The following PER3 variants were observed in gnomAD, a reference collection of about 807,000 sequenced individuals.
PER3 encodes period circadian protein homolog 3.
In PER3, 107 loss-of-function variants were observed where a neutral mutation model predicts 127.2. That is an observed-to-expected ratio of 0.84 (90% confidence interval 0.72 to 0.99). The LOEUF is 0.99. PER3 is among the 50% of genes least tolerant of loss of function. PER3 has a pLI of 0.00. For synonymous variants in PER3, 618 were observed against 585.8 expected (o/e 1.05, Z -0.79); for missense variants, 1,560 against 1,525.8 (o/e 1.02, Z -0.37).
chr1:7,798,553 T>C lies in PER3; in HGVS notation c.673T>C (p.Cys225Arg). ...RGGEDRKQEK[C>R]HSPFRIIPYL... ...AGGTGAAGACAGAAAGCAAGAGAAG[T>C]GTCACTCCCCATTCCGGATCATCCC... The change falls in exon 7 of 22, where the codon TGT becomes CGT. Residue 225 changes from cysteine to arginine, a missense_variant. Coordinates refer to ENST00000377532, the MANE Select transcript of PER3 (RefSeq NM_001377275.1). 6.2e-7 allele frequency: 1 copy of C among 1,613,684 alleles called. No homozygotes were observed. Among genetic ancestry groups the C allele is most frequent in the Non-Finnish European group, 8.5e-7 (1 of 1,179,680 alleles).
chr1:7,827,264 TGCCC>T lies in PER3; in HGVS notation c.2336_2339del (p.Cys779SerfsTer77). 3 of 1,613,888 alleles carry T rather than the reference TGCCC, an allele frequency of 1.9e-6. No individual in the cohort carries two copies. Among genetic ancestry groups the T allele is most frequent in the Middle Eastern group, 1.6e-4 (1 of 6,062 alleles). ...AGCGCATCAGAACGCACAGCCCTGC[TGCCC>T]CTCCGCGGCCTCCTCTCCGCACACC... On this transcript the variant is annotated frameshift_variant, in exon 18 of 22. Transcript: ENST00000377532. LOFTEE classifies it high-confidence loss of function.
intron 6 of PER3, among the ~76,000 whole-genome samples, chr1:7,796,043 C>A (rs889487568): frequency 1.3e-5 from 2 of 152,140 alleles, no homozygotes; most frequent in Non-Finnish European, 2.9e-5. Flanking sequence ...AGTAGGAATC[C>A]CTTTGGGTTG....
chr1:7,796,336 TGAGA>T, intron 6 of PER3, among the ~76,000 whole-genome samples: 1 of 149,312 alleles, frequency 6.7e-6, no homozygotes, highest in Admixed American at 6.7e-5. Flanking sequence ...TTTTTTTTTT[TGAGA>T]CAGGATCTCA....
chr1:7,817,736 A>G (rs1444617787), intron 13 of PER3, among the ~76,000 whole-genome samples: 1 of 152,222 alleles, frequency 6.6e-6, no homozygotes, highest in East Asian at 1.9e-4. Context: ...ATTATACCAA[A>G]TAAAGAATAA....
At chr1:7,794,048 A>C (rs1343820677) in intron 6 of PER3, 40 bp downstream of exon 6, 1 of 1,520,886 alleles carries the variant, frequency 6.6e-7, no homozygotes, top group Admixed American at 1.7e-5. Flanking sequence ...ACAGTGGATT[A>C]TGTTCTGAGT....
chr1:7,835,745 T>C lies in PER3; in HGVS notation c.3215-17T>C. On this transcript the variant is annotated splice_polypyrimidine_tract_variant and intron_variant, in intron 19 of 21. Transcript: ENST00000377532. ...CGGACAGGTCTTTTCTAATTATGTG[T>C]TGTTGATTTTTGACAGGAAGCAGCG... The C allele has an allele frequency of 1.3e-6, 2 of 1,577,014 alleles. No individual in the cohort carries two copies. Among genetic ancestry groups the C allele is most frequent in the East Asian group, 2.3e-5 (1 of 44,346 alleles).
At chr1:7,833,103 TTTTTA>T (rs1577948586) in intron 19 of PER3, among the ~76,000 whole-genome samples, 2 of 152,208 alleles carry the variant, frequency 1.3e-5, no homozygotes, top group Admixed American at 6.5e-5. Context: ...TTTTTAGATA[TTTTTA>T]TTTTATTTCT....
chr1:7,817,093 A>G (rs1398373424), intron 13 of PER3, among the ~76,000 whole-genome samples: 1 of 152,242 alleles, frequency 6.6e-6, no homozygotes, highest in Non-Finnish European at 1.5e-5. Context: ...CATTCTGGAA[A>G]AGCGTTCTTT....
At chr1:7,830,588 A>G (rs2097326946) in intron 19 of PER3, among the ~76,000 whole-genome samples, 4 of 152,168 alleles carry the variant, frequency 2.6e-5, no homozygotes. Flanking sequence ...AGTTAGCATG[A>G]TGCTGTTGAG....
At chr1:7,793,827 G>A (rs2097132729) in intron 5 of PER3, 130 bp from the exon 6 acceptor site, 2 of 771,214 alleles carry the variant, frequency 2.6e-6, no homozygotes, top group African/African-American at 1.7e-5. Flanking sequence ...AAGGAAGGGG[G>A]TTCTATTTTA....
At position 7,803,842 on chromosome 1, in the gene PER3, T is replaced by G. The variant is rs746104252; in HGVS notation, c.1130T>G (p.Val377Gly). The change falls in exon 10 of 22, where the codon GTT becomes GGT. Residue 377 changes from valine (V) to glycine (G), a missense_variant. Val to Gly is a moderately radical substitution (Grantham distance 109). Coordinates refer to ENST00000377532, the MANE Select transcript of PER3 (RefSeq NM_001377275.1). ...KISFIIGRHK[V>G]RTSPLNEDVF... ...TCTTTCATCATTGGTCGGCATAAAG[T>G]TCGAACGTAAGCCAGTCAGTTTTCA... is the stretch of plus-strand genomic sequence containing the variant. The G allele has an allele frequency of 5.8e-5, 94 of 1,612,472 alleles. No individual in the cohort carries two copies. Among genetic ancestry groups the G allele is most frequent in the Non-Finnish European group, 4.2e-6 (5 of 1,179,296 alleles).
intron 6 of PER3, among the ~76,000 whole-genome samples, chr1:7,795,859 G>A (rs766869318): frequency 4.6e-5 from 7 of 152,206 alleles, no homozygotes; most frequent in Non-Finnish European, 7.3e-5. Context: ...TCGAACCCTG[G>A]CCAGTCTGGC....
Position 7,826,362 on chromosome 1 carries a change from T to TGA in PER3, c.1958-118_1958-117insGA. On this transcript the variant is annotated intron_variant, in intron 16 of 21. Transcript: ENST00000377532. This position sits in a 1 kb window ranked among gnomAD's most constrained non-coding sequence, Gnocchi z 4.2. ...TCTGTGCTAGGCTAATGAAGATTTT[T>TGA]CGTATTCCAGCAGTTATAATAATGT... The TGA allele has an allele frequency of 1.6e-6, 1 of 643,388 alleles. No homozygotes were observed. Among genetic ancestry groups the TGA allele is most frequent in the Non-Finnish European group, 2.8e-6 (1 of 360,546 alleles). The allele number at this position is 643,388 out of a possible 1,614,324, so 39.9% of individuals were successfully genotyped here.
At chr1:7,819,531 T>C in intron 14 of PER3, 111 bp downstream of exon 14, 1 of 942,564 alleles carries the variant, frequency 1.1e-6, no homozygotes, top group Non-Finnish European at 1.6e-6. Context: ...TTTTTCACTA[T>C]AAATCAGTAG....
Position 7,844,975 on chromosome 1 carries a change from A to G in PER3, c.*2220A>G, listed in dbSNP as rs955581436. On this transcript the variant is annotated 3_prime_UTR_variant, in exon 22 of 22. Coordinates refer to ENST00000377532, the MANE Select transcript of PER3 (RefSeq NM_001377275.1). Reference sequence around the variant, plus strand: ...GGTCAGAGGTCAAAATTTATGAAAAACAAAATGCTGTATGAATGGAAATCA... The same window carrying G: ...GGTCAGAGGTCAAAATTTATGAAAAGCAAAATGCTGTATGAATGGAAATCA... The G allele has an allele frequency of 6.6e-6, 1 of 152,410 alleles. No individual in the cohort carries two copies. Among genetic ancestry groups the G allele is most frequent in the African/African-American group, 2.4e-5 (1 of 41,474 alleles). 9.4% of individuals were successfully genotyped at this position (152,410 alleles called of 1,614,324 possible).
intron 5 of PER3, chr1:7,788,583 A>G (rs2097103200): frequency 4.9e-6 from 1 of 204,270 alleles, no homozygotes; most frequent in Non-Finnish European, 1.0e-5. Context: ...ATTTCCTTGT[A>G]TGAGAAATTT....
At chr1:7,832,221 A>G (rs988810253) in intron 19 of PER3, among the ~76,000 whole-genome samples, 1 of 151,640 alleles carries the variant, frequency 6.6e-6, no homozygotes, top group Non-Finnish European at 1.5e-5. Context: ...ATAGTAATGT[A>G]CCCCTCTTAT....
intron 5 of PER3, among the ~76,000 whole-genome samples, chr1:7,790,251 C>T (rs2097113097): frequency 6.6e-6 from 1 of 152,180 alleles, no homozygotes; most frequent in African/African-American, 2.4e-5. Flanking sequence ...TTAATTGACT[C>T]ACAGTTCCAC....
rs115413691 is a variant in PER3, at chr1:7,787,640, A to T, written c.391-405A>T. 2,028 of 306,140 alleles carry T rather than the reference A, an allele frequency of 6.6e-3. 28 individuals carry two copies. Among genetic ancestry groups the T allele is most frequent in the African/African-American group, 0.04 (1,829 of 45,478 alleles). The allele number at this position is 306,140 out of a possible 1,614,324, so 19.0% of individuals were successfully genotyped here. ...TGTAATGGAAAAAATTAGAGCAGTG[A>T]TGCTTATGTAATGAGGTTTGTCAAG... On this transcript the variant is annotated intron_variant, in intron 4 of 21. Transcript: ENST00000377532.
Sources: gnomAD v4.1 joint callset for allele counts (sites outside exome capture counted in the v4.1 genomes callset) on GRCh38, gnomAD v4.1.1 for gene constraint, Gnocchi (gnomAD v3.1) non-coding constraint, MANE v1.5 for transcripts, NCBI Gene and HGNC (gene_info 2026-07-23, HGNC 2026-07-21) for gene names.